PSMA1: variants seen among roughly 807,000 people sequenced by gnomAD.
PSMA1 encodes proteasome 20S subunit alpha 1.
PSMA1 carries 3 observed loss-of-function variants against 38.4 expected under a neutral mutation model. The ratio of observed to expected loss-of-function variants is 0.08; its 90% CI spans 0.04 to 0.20. PSMA1 has a LOEUF of 0.20. Among genes scored for constraint, PSMA1 ranks in the 10% least tolerant of loss-of-function variants. The pLI, the probability that PSMA1 is intolerant of heterozygous loss-of-function variation, is 1.00. For synonymous variants in PSMA1, 101 were observed against 107.1 expected (o/e 0.94, Z 0.35); for missense variants, 227 against 325.3 (o/e 0.70, Z 2.32).
chr11:14,640,140 G>A (rs1048106757), intron 1 of PSMA1, among the ~76,000 whole-genome samples: 1 of 152,188 alleles, frequency 6.6e-6, no homozygotes, highest in African/African-American at 2.4e-5. Context: ...GTACGTAGGA[G>A]AAGTAAAAGA....
At chr11:14,520,574 G>C (rs982798838), upstream of PSMA1, 1 of 1,044,446 alleles carries the variant, frequency 9.6e-7, no homozygotes. Flanking sequence ...TGAGAGCTGC[G>C]GGGCAGCCCC....
chr11:14,616,261 TCTTGCTCTGTCACC>T (rs1852772660), intron 1 of PSMA1, among the ~76,000 whole-genome samples: 1 of 126,714 alleles, frequency 7.9e-6, no homozygotes. Context: ...TGAGACAGAG[TCTTGCTCTGTCACC>T]CAGGCTGGAG....
chr11:14,623,384 G>A (rs1260221435), intron 1 of PSMA1, among the ~76,000 whole-genome samples: 1 of 152,210 alleles, frequency 6.6e-6, no homozygotes, highest in Non-Finnish European at 1.5e-5. Flanking sequence ...CAGTGGAGAG[G>A]GAAAATCTTC....
At chr11:14,518,771 A>G (rs918278893) in intron 2 of PSMA1, among the ~76,000 whole-genome samples, 1 of 152,186 alleles carries the variant, frequency 6.6e-6, no homozygotes, top group African/African-American at 2.4e-5. Context: ...GATTCCACAT[A>G]TAAGTGAGAG....
chr11:14,575,153 C>T (rs2349652), intron 2 of PSMA1, among the ~76,000 whole-genome samples: 149,311 of 152,266 alleles, frequency 0.98, 73,304 homozygotes, highest in Middle Eastern at 1. Flanking sequence ...AAGAGACTGG[C>T]GGAATTTTAC....
chr11:14,537,499 G>T (rs576949753), intron 2 of PSMA1, among the ~76,000 whole-genome samples: 2 of 148,352 alleles, frequency 1.3e-5, no homozygotes, highest in South Asian at 4.2e-4. Context: ...CTGAGTGTAT[G>T]TTCATGAATG....
chr11:14,614,353 T>C (rs567473918), intron 1 of PSMA1, among the ~76,000 whole-genome samples: 2 of 152,086 alleles, frequency 1.3e-5, no homozygotes, highest in African/African-American at 4.8e-5. Flanking sequence ...TTTCCTTTGT[T>C]ACAGAGGTTG....
intron 2 of PSMA1, among the ~76,000 whole-genome samples, chr11:14,592,283 G>A (rs1158734594): frequency 6.6e-6 from 1 of 151,888 alleles, no homozygotes; most frequent in South Asian, 2.1e-4. Flanking sequence ...AGGACCTTCC[G>A]CTGCTCGCTC....
Position 14,514,591 on chromosome 11 carries a change from TGG to T in PSMA1, c.255-102_255-101del, listed in dbSNP as rs1851396993. On this transcript the variant is annotated intron_variant, in intron 4 of 9. Coordinates refer to ENST00000396394, the MANE Select transcript of PSMA1 (RefSeq NM_002786.4). ...CTTCAAATTCTTCCAAGCGTTTACA[TGG>T]ATAACATCCATATAAGAAAAACAGA... The T allele has an allele frequency of 4.4e-6, 4 of 915,828 alleles. No homozygotes were observed. In the African/African-American group the frequency reaches 5.2e-5, roughly 12 times the overall value. The allele number at this position is 915,828 out of a possible 1,614,324, so 56.7% of individuals were successfully genotyped here.
chr11:14,560,247 A>C (rs1225072018), intron 2 of PSMA1, among the ~76,000 whole-genome samples: 1 of 152,204 alleles, frequency 6.6e-6, no homozygotes, highest in East Asian at 1.9e-4. Flanking sequence ...ATTTTGCACA[A>C]GTTCCAGGAA....
At chr11:14,611,074 G>A (rs1347533045) in exon 2 of PSMA1, 3 of 1,365,020 alleles carry the variant, frequency 2.2e-6, no homozygotes, top group Non-Finnish European at 3.1e-6. Flanking sequence ...AGCCTTGGAG[G>A]GCCAAGGCCT....
chr11:14,582,460 A>C (rs1024767266), intron 2 of PSMA1, among the ~76,000 whole-genome samples: 2 of 151,492 alleles, frequency 1.3e-5, no homozygotes, highest in African/African-American at 2.4e-5. Flanking sequence ...AGCAAAAACA[A>C]AACAACAACA....
intron 2 of PSMA1, among the ~76,000 whole-genome samples, chr11:14,571,065 T>G (rs890660341): frequency 3.3e-5 from 5 of 151,868 alleles, no homozygotes; most frequent in African/African-American, 1.2e-4. Context: ...CATTCTTTTT[T>G]GTTTTGTTTT....
At chr11:14,613,718 G>C (rs1434207547) in intron 1 of PSMA1, among the ~76,000 whole-genome samples, 1 of 152,156 alleles carries the variant, frequency 6.6e-6, no homozygotes, top group Non-Finnish European at 1.5e-5. Flanking sequence ...ATTTTATACA[G>C]CAAAGAACTG....
chr11:14,568,393 G>A (rs2134176584), intron 2 of PSMA1, among the ~76,000 whole-genome samples: 1 of 152,334 alleles, frequency 6.6e-6, no homozygotes, highest in Non-Finnish European at 1.5e-5. Context: ...TGAAACAACT[G>A]TGAAAAATAT....
At chr11:14,558,407 T>C (rs372793909) in intron 2 of PSMA1, among the ~76,000 whole-genome samples, 13 of 152,136 alleles carry the variant, frequency 8.5e-5, no homozygotes, top group African/African-American at 2.9e-4. Context: ...CAGAGTAAGC[T>C]CCTGTCTCTA....
chr11:14,617,198 G>A (rs971872247), intron 1 of PSMA1, among the ~76,000 whole-genome samples: 2 of 152,204 alleles, frequency 1.3e-5, no homozygotes, highest in African/African-American at 4.8e-5. Context: ...GAAGGAAAGA[G>A]TTGAGGGGTG....
chr11:14,634,304 T>A (rs905217743), intron 1 of PSMA1, among the ~76,000 whole-genome samples: 3 of 152,186 alleles, frequency 2.0e-5, no homozygotes, highest in Non-Finnish European at 4.4e-5. Flanking sequence ...GTGTATGTCT[T>A]GTTCCCCACT....
In PSMA1 at chr11:14,607,480, A is replaced by C. The variant is rs533594420; in HGVS notation, c.21+3486T>G. Among the ~76,000 whole-genome samples the C allele has an allele frequency of 7.9e-5, 12 of 152,350 alleles. No homozygotes were observed. The East Asian group carries it at 2.3e-3, about 29-fold the overall frequency. On this transcript the variant is annotated intron_variant, in intron 2 of 10. Transcript: ENST00000418988. The stretch of plus-strand genomic sequence containing the variant: ...ATAGGCCAGAGTAATACATTAGATA[A>C]ATTAACTTGTAGGCAACATTGTACC...
Sources: allele counts gnomAD v4.1 joint callset (sites outside exome capture counted in the v4.1 genomes callset), GRCh38; gene constraint gnomAD v4.1.1; transcripts MANE v1.5; gene names NCBI Gene and HGNC (gene_info 2026-07-23, HGNC 2026-07-21).